The following GRAMD2B variants were observed in gnomAD, a reference collection of about 807,000 sequenced individuals.
GRAMD2B encodes the protein GRAM domain containing 2B.
In GRAMD2B, 41 loss-of-function variants were observed where a neutral mutation model predicts 59.2. The ratio of observed to expected loss-of-function variants is 0.69; its 90% confidence interval spans 0.54 to 0.90. The LOEUF is 0.90. Among genes scored for constraint, GRAMD2B ranks in the 40% least tolerant of loss-of-function variants. GRAMD2B has a pLI of 0.00. For missense variants in GRAMD2B, 424 were observed against 500.5 expected, an observed-to-expected ratio of 0.85 and a Z score of 1.46; for synonymous variants, 161 against 182.7, an observed-to-expected ratio of 0.88 and a Z score of 0.96.
intron 13 of GRAMD2B, among the ~76,000 whole-genome samples, chr5:126,489,174 T>G (rs897263864): frequency 6.6e-6 from 1 of 152,192 alleles, no homozygotes; most frequent in Admixed American, 6.5e-5. Flanking sequence ...GGCCCAGTGG[T>G]AAGTGACTAC....
intron 1 of GRAMD2B, 135 bp from the exon 2 acceptor site, chr5:126,465,291 C>T: frequency 6.6e-7 from 1 of 1,516,116 alleles, no homozygotes; most frequent in African/African-American, 1.4e-5. Flanking sequence ...AAGGGCCTCG[C>T]TGTCAAAGTT....
At chr5:126,439,345 T>TTTTTTTG in intron 1 of GRAMD2B, among the ~76,000 whole-genome samples, 2 of 149,384 alleles carry the variant, frequency 1.3e-5, no homozygotes, top group African/African-American at 4.9e-5. Context: ...TTTTTTTTTT[T>TTTTTTTG]GGAGACAGAG....
intron 1 of GRAMD2B, among the ~76,000 whole-genome samples, chr5:126,375,332 T>G (rs1755081846): frequency 6.6e-6 from 1 of 152,076 alleles, no homozygotes; most frequent in African/African-American, 2.4e-5. Flanking sequence ...TAATAAAAAT[T>G]TTATTTTTAC....
exon 1 of GRAMD2B, chr5:126,371,345 C>T: frequency 1.7e-6 from 2 of 1,166,330 alleles, no homozygotes; most frequent in South Asian, 3.3e-5. Flanking sequence ...AATTCAAGGA[C>T]TGTACAAAGC....
At chr5:126,483,395 G>A in intron 8 of GRAMD2B, 68 bp from the exon 9 acceptor site, 2 of 894,588 alleles carry the variant, frequency 2.2e-6, no homozygotes, top group South Asian at 2.8e-5. Flanking sequence ...AAAGGGCTGG[G>A]AGTTACAAAG....
At chr5:126,371,029 G>A (rs1478997442), upstream of GRAMD2B, among the ~76,000 whole-genome samples, 3 of 152,188 alleles carry the variant, frequency 2.0e-5, no homozygotes, top group Non-Finnish European at 4.4e-5. Context: ...TGCTCACCCT[G>A]TTGGTCAGGC....
chr5:126,465,188 G>A (rs895491364), intron 1 of GRAMD2B: 1 of 1,370,712 alleles, frequency 7.3e-7, no homozygotes, highest in Admixed American at 3.1e-5. Context: ...GAGCCAGCAA[G>A]TCCACACAGT....
intron 1 of GRAMD2B, among the ~76,000 whole-genome samples, chr5:126,381,874 G>A (rs1755688679): frequency 1.3e-5 from 2 of 152,090 alleles, no homozygotes. Flanking sequence ...AGCTGCTCTT[G>A]TAGTGTTGGC....
intron 1 of GRAMD2B, among the ~76,000 whole-genome samples, chr5:126,437,016 C>G (rs535777568): frequency 6.6e-6 from 1 of 152,232 alleles, no homozygotes; most frequent in East Asian, 1.9e-4. Flanking sequence ...AAGGCAGAAG[C>G]AGTAGGATGG....
In GRAMD2B at chr5:126,470,915, G is replaced by A. The variant is rs989115674; in HGVS notation, c.315+1127G>A. Among the ~76,000 whole-genome samples, 57 of 152,040 alleles carry A rather than the reference G, an allele frequency of 3.7e-4. 1 individual carries two copies. Among genetic ancestry groups the A allele is most frequent in the Admixed American group, 1.1e-3 (17 of 15,260 alleles). On this transcript the variant is annotated intron_variant, in intron 3 of 13. Transcript: ENST00000285689. ...CACTACCTTTTTTGCCATTTATTAC[G>A]TTGACATTTTTGAAGCGTTTATGGC...
chr5:126,456,177 C>T (rs541262776), intron 1 of GRAMD2B, among the ~76,000 whole-genome samples: 1 of 152,194 alleles, frequency 6.6e-6, no homozygotes, highest in Admixed American at 6.5e-5. Flanking sequence ...CTCAATCCCA[C>T]CTCTCCCATC....
Position 126,466,365 on chromosome 5 carries a change from C to G in GRAMD2B, c.203+820C>G, listed in dbSNP as rs1207245935. The G allele has an allele frequency of 6.7e-6, 6 of 895,670 alleles. No homozygotes were observed. In the East Asian group the frequency reaches 1.1e-4, roughly 16 times the overall value. The allele number at this position is 895,670 out of a possible 1,614,324, so 55.5% of individuals were successfully genotyped here. A position where few individuals can be genotyped will look rare whatever the true frequency, so the allele number is the denominator to read the frequency against. On this transcript the variant is annotated intron_variant, in intron 2 of 13. Transcript: ENST00000285689. ...AGTCTTAACTCCTCCCGAAATTTTC[C>G]TCTTCTGACTCTAATTCCCAATTAT...
intron 1 of GRAMD2B, among the ~76,000 whole-genome samples, chr5:126,439,062 T>A (rs1176395241): frequency 1.3e-5 from 2 of 152,160 alleles, no homozygotes; most frequent in Non-Finnish European, 2.9e-5. Flanking sequence ...CGAGGGATTA[T>A]GTGAAATGTC....
At chr5:126,380,583 T>C (rs1477655620) in intron 1 of GRAMD2B, among the ~76,000 whole-genome samples, 1 of 152,206 alleles carries the variant, frequency 6.6e-6, no homozygotes, top group Non-Finnish European at 1.5e-5. Context: ...TTTTCAGCAG[T>C]GTTTTGTAGT....
intron 1 of GRAMD2B, among the ~76,000 whole-genome samples, chr5:126,442,417 A>T (rs1763453471): frequency 6.7e-6 from 1 of 149,876 alleles, no homozygotes; most frequent in African/African-American, 2.5e-5. Context: ...CAGCCTCCCT[A>T]GTAGCCTGGG....
intron 5 of GRAMD2B, among the ~76,000 whole-genome samples, chr5:126,475,258 C>A (rs1770357920): frequency 6.6e-6 from 1 of 152,138 alleles, no homozygotes; most frequent in Non-Finnish European, 1.5e-5. Flanking sequence ...GTGATTTAAG[C>A]TTTATTTTAC....
intron 4 of GRAMD2B, among the ~76,000 whole-genome samples, chr5:126,472,929 C>T (rs1192776966): frequency 6.6e-6 from 1 of 152,166 alleles, no homozygotes; most frequent in African/African-American, 2.4e-5. Flanking sequence ...CCTGAAAATA[C>T]TGGGGAAAAG....
intron 1 of GRAMD2B, among the ~76,000 whole-genome samples, chr5:126,446,714 G>T (rs765062183): frequency 7.2e-5 from 11 of 151,736 alleles, no homozygotes; most frequent in African/African-American, 4.8e-5. Flanking sequence ...GGAGGATTTG[G>T]TGTGGAGGCG....
intron 1 of GRAMD2B, among the ~76,000 whole-genome samples, chr5:126,447,613 G>A (rs62391855): frequency 0.32 from 48,083 of 149,722 alleles, 8,155 homozygotes; most frequent in African/African-American, 0.44. Flanking sequence ...GCAGTGAGCC[G>A]AGATCGTGCC....
Sources: allele counts gnomAD v4.1 joint callset (sites outside exome capture counted in the v4.1 genomes callset), GRCh38; gene constraint gnomAD v4.1.1; transcripts MANE v1.5; gene names NCBI Gene and HGNC (gene_info 2026-07-23, HGNC 2026-07-21).